Variants in NCOA2 observed in about 807,000 individuals in gnomAD.
The protein encoded by NCOA2 is nuclear receptor coactivator 2.
Under a neutral mutation model 145.1 loss-of-function variants are expected in NCOA2, and 21 were observed. The ratio of observed to expected loss-of-function variants is 0.14; its 90% CI spans 0.10 to 0.21. NCOA2 has a LOEUF of 0.21. Ranked by LOEUF, NCOA2 falls within the 10% of genes least tolerant of loss-of-function variation. The pLI is 1.00. For synonymous variants in NCOA2, 619 were observed against 637.5 expected, an observed-to-expected ratio of 0.97 and a Z score of 0.44; for missense variants, 1,472 against 1,837.6, an observed-to-expected ratio of 0.80 and a Z score of 3.64.
chr8:70,200,008 T>C (rs917858552), intron 4 of NCOA2, among the ~76,000 whole-genome samples: 1 of 152,136 alleles, frequency 6.6e-6, no homozygotes, highest in African/African-American at 2.4e-5. Context: ...CTTTTCTTTT[T>C]CCCCCCTTGT....
At chr8:70,280,145 G>A (rs16936872) in intron 2 of NCOA2, among the ~76,000 whole-genome samples, 13,340 of 152,106 alleles carry the variant, frequency 0.088, 657 homozygotes, top group East Asian at 0.13. Flanking sequence ...TTAAAGCTCA[G>A]ACAAAGCATA....
rs1286368650 is a variant in NCOA2, at chr8:70,149,327, T to G, written c.2395-844A>C. On this transcript the variant is annotated intron_variant, in intron 11 of 22. Transcript: ENST00000452400. ...ACTCATCCCTGTAGTCTTGATCTCC[T>G]GGGCTCAAGTGATCCTGCCACCTGA... Among the ~76,000 whole-genome samples, 21 of 151,782 alleles carry G rather than the reference T, an allele frequency of 1.4e-4. 1 individual carries two copies. The highest frequency in any genetic ancestry group is 9.9e-4 in the Admixed American group (15 of 15,226).
At chr8:70,432,886 G>A in the NCOA2 span, among the ~76,000 whole-genome samples, 3,507 of 152,134 alleles carry the variant, frequency 0.023, 72 homozygotes, top group Non-Finnish European at 0.031. Flanking sequence ...ACAAAAAACA[G>A]CTGATTTTAA....
intron 1 of NCOA2, among the ~76,000 whole-genome samples, chr8:70,384,535 T>C (rs1025511455): frequency 6.6e-6 from 1 of 152,216 alleles, no homozygotes; most frequent in Non-Finnish European, 1.5e-5. Context: ...TATAATACTG[T>C]CCACTTCTAA....
At chr8:70,380,906 C>G (rs1438863194) in intron 1 of NCOA2, among the ~76,000 whole-genome samples, 1 of 151,946 alleles carries the variant, frequency 6.6e-6, no homozygotes, top group Non-Finnish European at 1.5e-5. Flanking sequence ...AAAAACCCAC[C>G]TCTACAAAAA....
At chr8:70,401,061 T>G (rs887006423) in intron 1 of NCOA2, among the ~76,000 whole-genome samples, 1 of 152,128 alleles carries the variant, frequency 6.6e-6, no homozygotes, top group Admixed American at 6.6e-5. Context: ...TCTGTCAGTG[T>G]GCCTAACCTC....
chr8:70,405,577 T>C (rs1814746924), upstream of NCOA2, among the ~76,000 whole-genome samples: 3 of 147,862 alleles, frequency 2.0e-5, no homozygotes, highest in East Asian at 2.1e-4. Flanking sequence ...TACAATGGGG[T>C]AGTAGTCACC....
chr8:70,358,026 G>C (rs1013055197), intron 1 of NCOA2, among the ~76,000 whole-genome samples: 2 of 152,040 alleles, frequency 1.3e-5, no homozygotes, highest in African/African-American at 4.8e-5. Context: ...ACTCCAGCCT[G>C]GGTGACAAAG....
chr8:70,138,356 C>A lies in NCOA2; in HGVS notation c.3029-24G>T, dbSNP rs553316908. On this transcript the variant is annotated intron_variant, in intron 14 of 22. Coordinates refer to ENST00000452400, the MANE Select transcript of NCOA2 (RefSeq NM_006540.4). The stretch of plus-strand genomic sequence containing the variant: ...CCCTAGAAAGGGAGAAGAAAAAAAT[C>A]TTACATCTTTAATCAAGGAAGCATT... 1.8e-4 allele frequency: 288 copies of A among 1,574,038 alleles called. 2 individuals are homozygous for A. In the South Asian group the frequency reaches 2.8e-3, roughly 15 times the overall value.
At chr8:70,316,975 G>C (rs182519293) in intron 1 of NCOA2, among the ~76,000 whole-genome samples, 1 of 152,078 alleles carries the variant, frequency 6.6e-6, no homozygotes, top group African/African-American at 2.4e-5. Context: ...AGTTCCTCAC[G>C]GTTCAGACTC....
At chr8:70,339,691 A>T (rs1202646847) in intron 1 of NCOA2, among the ~76,000 whole-genome samples, 2 of 152,232 alleles carry the variant, frequency 1.3e-5, no homozygotes, top group African/African-American at 4.8e-5. Context: ...AAGCTATACT[A>T]CAAGGCTACA....
At chr8:70,161,031 C>T (rs989096631) in intron 9 of NCOA2, among the ~76,000 whole-genome samples, 1 of 152,224 alleles carries the variant, frequency 6.6e-6, no homozygotes, top group African/African-American at 2.4e-5. Context: ...CTACATCCAA[C>T]ACCTCTGAAA....
chr8:70,183,288 T>C (rs903537409), intron 4 of NCOA2, among the ~76,000 whole-genome samples: 1 of 152,228 alleles, frequency 6.6e-6, no homozygotes, highest in Non-Finnish European at 1.5e-5. Flanking sequence ...CAGAAGATTA[T>C]GAGTAAGCCT....
intron 22 of NCOA2, among the ~76,000 whole-genome samples, chr8:70,117,702 G>A (rs1807308659): frequency 6.6e-6 from 1 of 152,166 alleles, no homozygotes; most frequent in African/African-American, 2.4e-5. Flanking sequence ...TGCATATTTG[G>A]GGTCAGCCGG....
At chr8:70,369,949 TG>T (rs1213630374) in intron 1 of NCOA2, among the ~76,000 whole-genome samples, 1 of 152,078 alleles carries the variant, frequency 6.6e-6, no homozygotes, top group Non-Finnish European at 1.5e-5. Context: ...TCGCCCAGGC[TG>T]GAGTGCAGTG....
At chr8:70,120,396 C>T (rs909983539) in intron 22 of NCOA2, among the ~76,000 whole-genome samples, 1 of 152,318 alleles carries the variant, frequency 6.6e-6, no homozygotes, top group Admixed American at 6.5e-5. Flanking sequence ...GTTTCATTGG[C>T]TGAACATGGT....
chr8:70,156,629 C>T lies in NCOA2; in HGVS notation c.1736G>A (p.Ser579Asn). ...MNPPPLSKMG[S>N]LDSKDCFGLY... The stretch of plus-strand genomic sequence containing the variant: ...TCCAAAACAGTCTTTTGAGTCCAAG[C>T]TTCCCATCTTGCTGAGTGGGGGAGG... The change falls in exon 11 of 23, where the codon AGC (serine) becomes AAC (asparagine). Residue 579 changes from serine to asparagine, a missense_variant. By Grantham distance (46) the Ser-to-Asn change is conservative. Around this residue, in one of 4 missense-constraint regions of NCOA2, gnomAD observed 953 missense variants for 1,062.1 expected, o/e 0.90. Transcript: ENST00000452400. 1 of 1,614,004 alleles carries T rather than the reference C, an allele frequency of 6.2e-7. No individual in the cohort carries two copies. Among genetic ancestry groups the T allele is most frequent in the South Asian group, 1.1e-5 (1 of 91,082 alleles).
intron 16 of NCOA2, among the ~76,000 whole-genome samples, chr8:70,131,329 G>A (rs1283325743): frequency 6.6e-6 from 1 of 152,154 alleles, no homozygotes; most frequent in African/African-American, 2.4e-5. Context: ...CATTTTTAAA[G>A]GTAAAAATGA....
In NCOA2 at chr8:70,273,634, T is replaced by C. The variant is rs1218962795; in HGVS notation, c.-20+23110A>G. ...TGAACACTTTCACCATTACAGGCTA[T>C]ACTGAGACAAAGCAGCTGACAGAAA... On this transcript the variant is annotated intron_variant, in intron 2 of 22. Coordinates refer to ENST00000452400, the MANE Select transcript of NCOA2 (RefSeq NM_006540.4). 10 of 731,372 alleles carry C rather than the reference T, an allele frequency of 1.4e-5. No homozygotes were observed. In the East Asian group the frequency reaches 1.8e-4, roughly 13 times the overall value. 45.3% of individuals were successfully genotyped at this position (731,372 alleles called of 1,614,324 possible). A position where few individuals can be genotyped will look rare whatever the true frequency, so the allele number is the denominator to read the frequency against.
Sources: gnomAD v4.1 joint callset for allele counts (sites outside exome capture counted in the v4.1 genomes callset) on GRCh38, gnomAD v4.1.1 for gene constraint, gnomAD v4.1.1 regional missense constraint, MANE v1.5 for transcripts, NCBI Gene and HGNC (gene_info 2026-07-23, HGNC 2026-07-21) for gene names.